Variants in ZNF658 observed in about 807,000 individuals in gnomAD.
ZNF658 encodes the protein zinc finger protein 658.
Under a neutral mutation model 78.0 loss-of-function variants are expected in ZNF658, and 46 were observed. The ratio of observed to expected loss-of-function variants is 0.59; its 90% CI spans 0.47 to 0.75. The LOEUF (loss-of-function observed/expected upper bound fraction) is 0.75, where lower values mean the gene tolerates loss of function less well. ZNF658 is among the 30% of genes least tolerant of loss of function. The pLI, the probability that ZNF658 is intolerant of heterozygous loss-of-function variation, is 0.00. For synonymous variants in ZNF658, 279 were observed against 408.4 expected (o/e 0.68, Z 3.82); for missense variants, 785 against 1,189.3 (o/e 0.66, Z 5.00).
At chr9:66,915,143 T>A (rs536934702) in intron 4 of ZNF658, among the ~76,000 whole-genome samples, 3 of 152,044 alleles carry the variant, frequency 2.0e-5, no homozygotes, top group Admixed American at 2.0e-4. Context: ...CTTATTTACA[T>A]ATGCAAACAT....
chr9:66,913,377 A>T (rs1258219166), intron 4 of ZNF658, among the ~76,000 whole-genome samples: 2 of 151,556 alleles, frequency 1.3e-5, no homozygotes, highest in African/African-American at 4.9e-5. Flanking sequence ...GTGAGCCAAG[A>T]TTGCGCCACT....
intron 4 of ZNF658, among the ~76,000 whole-genome samples, chr9:66,916,313 G>C (rs1822334575): frequency 6.6e-6 from 1 of 152,014 alleles, no homozygotes. Context: ...TTTCACCCAT[G>C]GGTTAATTAG....
Position 66,919,017 on chromosome 9 carries a change from AC to A in ZNF658, c.1453del (p.Gln485ArgfsTer105). ...TCTTACAAGTCACCCCTCATAGGAC[AC>A]CAGAAAACAGATGCAGAGATGGAAC... ...GRSYKSPLIG[H>X]QKTDAEMELC... On this transcript the variant is annotated frameshift_variant, in exon 5 of 5. Coordinates refer to ENST00000621410, the MANE Select transcript of ZNF658 (RefSeq NM_033160.7). LOFTEE classifies it high-confidence loss of function. The A allele has an allele frequency of 1.1e-6, 1 of 911,422 alleles. No individual in the cohort carries two copies. Among genetic ancestry groups the A allele is most frequent in the Non-Finnish European group, 1.6e-6 (1 of 616,940 alleles). The allele number at this position is 911,422 out of a possible 1,614,324, so 56.5% of individuals were successfully genotyped here.
Position 66,917,936 on chromosome 9 carries a change from A to G in ZNF658, c.370A>G (p.Asn124Asp). Residue 124 changes from asparagine (N) to aspartate (D), a missense_variant, in exon 5 of 5, where the codon AAT becomes GAT. Physicochemically the swap from Asn to Asp is conservative, Grantham distance 23 (BLOSUM62 1). Transcript: ENST00000621410. ...ACAGAAAGTTTTAGAAAAACCATTT[A>G]ATCTGGAAATAGCTCCAGAGCTTTC... ...EGQKVLEKPF[N>D]LEIAPELSEK... 1 of 1,611,114 alleles carries G rather than the reference A, an allele frequency of 6.2e-7. No homozygotes were observed. The highest frequency in any genetic ancestry group is 1.1e-5 in the South Asian group (1 of 90,852).
intron 6 of ZNF658, among the ~76,000 whole-genome samples, chr9:66,926,432 A>G (rs62561221): frequency 0.46 from 67,721 of 147,696 alleles, 14,300 homozygotes; most frequent in African/African-American, 0.5. Context: ...CACCAAAAAT[A>G]AACTCTCTGA....
At chr9:66,929,061 T>C (rs183130781) in intron 6 of ZNF658, among the ~76,000 whole-genome samples, 174 of 152,224 alleles carry the variant, frequency 1.1e-3, no homozygotes, top group Admixed American at 1.8e-3. Flanking sequence ...CAGAGGGGTG[T>C]GACAATCACA....
At chr9:66,921,725 G>T (rs1822530901), downstream of ZNF658, among the ~76,000 whole-genome samples, 1 of 151,458 alleles carries the variant, frequency 6.6e-6, no homozygotes, top group Non-Finnish European at 1.5e-5. Flanking sequence ...TCGTCTCAGA[G>T]GGGTACTAGG....
rs975011833 is a variant in ZNF658 at position 66,900,961 on chromosome 9, C to A, written c.-45+125C>A. Reference sequence around the variant, plus strand: ...GATGGCCCTCCCCTCTCCTCCCCGGCCCAGTGCGCGGGCCCAGGCCGAGTC... The same window carrying A: ...GATGGCCCTCCCCTCTCCTCCCCGGACCAGTGCGCGGGCCCAGGCCGAGTC... On this transcript the variant is annotated intron_variant, in intron 1 of 4. Coordinates refer to ENST00000621410, the MANE Select transcript of ZNF658 (RefSeq NM_033160.7). 1.7e-4 allele frequency: 26 copies of A among 152,232 alleles called. 2 individuals carry two copies. The highest frequency in any genetic ancestry group is 1.1e-3 in the Admixed American group (17 of 15,302). The allele number at this position is 152,232 out of a possible 1,614,324, so 9.4% of individuals were successfully genotyped here. A position where few individuals can be genotyped will look rare whatever the true frequency, so the allele number is the denominator to read the frequency against.
chr9:66,910,587 T>C (rs899424396), intron 4 of ZNF658, among the ~76,000 whole-genome samples: 3 of 151,946 alleles, frequency 2.0e-5, no homozygotes, highest in Non-Finnish European at 2.9e-5. Context: ...GGCAGACAGA[T>C]CACGAGGTCA....
intron 6 of ZNF658, among the ~76,000 whole-genome samples, chr9:66,930,334 C>T (rs1025292116): frequency 1.4e-5 from 2 of 145,486 alleles, no homozygotes; most frequent in Admixed American, 7.0e-5. Flanking sequence ...ACACTAGGTG[C>T]TAGAAAACCC....
chr9:66,901,240 C>G (rs1821945980), intron 1 of ZNF658, among the ~76,000 whole-genome samples: 1 of 152,090 alleles, frequency 6.6e-6, no homozygotes, highest in Admixed American at 6.6e-5. Context: ...ACCCTCACAA[C>G]GACCTCTTTG....
At position 66,920,895 on chromosome 9, in the gene ZNF658, A is replaced by G. The variant is rs1822510345; in HGVS notation, c.*149A>G. 5 of 778,898 alleles carry G rather than the reference A, an allele frequency of 6.4e-6. No individual in the cohort carries two copies. The Admixed American group carries it at 9.1e-5, about 14-fold the overall frequency. The allele number at this position is 778,898 out of a possible 1,614,324, so 48.2% of individuals were successfully genotyped here. ...GCCGTTTATTCAGGTGGGGCTGACCATGGGATGTGGTGCTAATGATAAATA... is the reference window on the plus strand; with the variant it reads ...GCCGTTTATTCAGGTGGGGCTGACCGTGGGATGTGGTGCTAATGATAAATA... On this transcript the variant is annotated 3_prime_UTR_variant, in exon 5 of 5. Coordinates refer to ENST00000621410, the MANE Select transcript of ZNF658 (RefSeq NM_033160.7).
chr9:66,910,665 A>G (rs1246776260), intron 4 of ZNF658, among the ~76,000 whole-genome samples: 1 of 152,032 alleles, frequency 6.6e-6, no homozygotes, highest in Admixed American at 6.6e-5. Flanking sequence ...AAAATTAGCC[A>G]GGCACCTGTA....
chr9:66,913,015 G>T lies in ZNF658; in HGVS notation c.238+4281G>T, dbSNP rs1482092032. Reference sequence around the variant, plus strand: ...GTGAGCTGAGATCACACTACTGAAGGGTGGAAAGAAGAATGAAGATGCACT... The same window carrying T: ...GTGAGCTGAGATCACACTACTGAAGTGTGGAAAGAAGAATGAAGATGCACT... On this transcript the variant is annotated intron_variant, in intron 4 of 4. Coordinates refer to ENST00000621410, the MANE Select transcript of ZNF658 (RefSeq NM_033160.7). Among the ~76,000 whole-genome samples the T allele has an allele frequency of 2.6e-5, 4 of 151,170 alleles. No individual in the cohort carries two copies. In the East Asian group the frequency reaches 7.8e-4, roughly 29 times the overall value.
chr9:66,908,054 A>T (rs1424750712), intron 2 of ZNF658, among the ~76,000 whole-genome samples, 184 bp from the exon 3 acceptor site: 1 of 151,276 alleles, frequency 6.6e-6, no homozygotes, highest in Non-Finnish European at 1.5e-5. Flanking sequence ...TCATAAATAC[A>T]TAGAGAAATT....
intron 4 of ZNF658, among the ~76,000 whole-genome samples, chr9:66,915,087 A>G (rs1449480346): frequency 1.9e-4 from 28 of 151,318 alleles, no homozygotes; most frequent in African/African-American, 6.6e-4. Flanking sequence ...ACACACACAC[A>G]CACACATACA....
At chr9:66,924,000 A>T, downstream of ZNF658, among the ~76,000 whole-genome samples, 1 of 149,338 alleles carries the variant, frequency 6.7e-6, no homozygotes, top group South Asian at 2.2e-4. Context: ...AATACAAAAA[A>T]ATAAGCCAGG....
At chr9:66,905,755 C>T (rs937128817) in intron 2 of ZNF658, among the ~76,000 whole-genome samples, 1 of 147,670 alleles carries the variant, frequency 6.8e-6, no homozygotes, top group Non-Finnish European at 1.5e-5. Context: ...TATTTATATC[C>T]TTTATCTGGT....
At chr9:66,901,877 C>T (rs571879616) in intron 1 of ZNF658, among the ~76,000 whole-genome samples, 79 of 152,214 alleles carry the variant, frequency 5.2e-4, no homozygotes, top group African/African-American at 1.8e-3. Context: ...CCGAGGCGGA[C>T]GCTGCAGTGA....
Sources: gnomAD v4.1 joint callset for allele counts (sites outside exome capture counted in the v4.1 genomes callset) on GRCh38, gnomAD v4.1.1 for gene constraint, MANE v1.5 for transcripts, NCBI Gene and HGNC (gene_info 2026-07-23, HGNC 2026-07-21) for gene names.